Variants in SNX2 observed in about 807,000 individuals in gnomAD.
The protein encoded by SNX2 is sorting nexin 2.
SNX2 carries 25 observed loss-of-function variants against 69.9 expected under a neutral mutation model. That is an observed-to-expected ratio of 0.36 (90% confidence interval 0.26 to 0.50). SNX2 has a LOEUF of 0.50. Ranked by LOEUF, SNX2 falls within the 20% of genes least tolerant of loss-of-function variation. SNX2 has a pLI of 0.97. For synonymous variants in SNX2, 229 were observed against 200.4 expected (o/e 1.14, Z -1.20); for missense variants, 551 against 613.3 (o/e 0.90, Z 1.07).
intron 8 of SNX2, 61 bp downstream of exon 8, chr5:122,816,032 A>C: frequency 1.3e-6 from 1 of 785,692 alleles, no homozygotes; most frequent in Non-Finnish European, 2.1e-6. Flanking sequence ...ATTGTAATGT[A>C]TATGACTATA....
intron 11 of SNX2, among the ~76,000 whole-genome samples, chr5:122,821,801 TTA>T (rs1754032577): frequency 6.6e-6 from 1 of 152,132 alleles, no homozygotes; most frequent in African/African-American, 2.4e-5. Context: ...CATATAACAT[TTA>T]GATATACCTT....
At chr5:122,828,139 A>G (rs1471451941) in intron 14 of SNX2, 1 of 152,210 alleles carries the variant, frequency 6.6e-6, no homozygotes, top group Non-Finnish European at 1.5e-5. Context: ...TTAATGGTAT[A>G]TTAAATAAAA....
At chr5:122,808,426 G>T in intron 7 of SNX2, 71 bp downstream of exon 7, 1 of 1,113,730 alleles carries the variant, frequency 9.0e-7, no homozygotes, top group South Asian at 1.5e-5. Flanking sequence ...CCATTATATG[G>T]CAAAACTGTG....
In SNX2 at chr5:122,775,100, G is replaced by A. The variant is rs1245360707; in HGVS notation, c.-4G>A. On this transcript the variant is annotated 5_prime_UTR_variant, in exon 1 of 15. Transcript: ENST00000379516. Reference sequence around the variant, plus strand: ...AGCTCGCGCAGTCGTTCGGGTGAGCGAAGATGGCGGCCGAGAGGGAACCTC... The same window carrying A: ...AGCTCGCGCAGTCGTTCGGGTGAGCAAAGATGGCGGCCGAGAGGGAACCTC... 4.4e-6 allele frequency: 7 copies of A among 1,582,572 alleles called. No homozygotes were observed. Among genetic ancestry groups the A allele is most frequent in the East Asian group, 2.3e-5 (1 of 43,786 alleles).
chr5:122,792,646 C>A (rs1160734983), intron 1 of SNX2, among the ~76,000 whole-genome samples: 4 of 150,040 alleles, frequency 2.7e-5, no homozygotes, highest in East Asian at 3.9e-4. Context: ...AATATTGATA[C>A]AATTTGCCTT....
In SNX2 at chr5:122,803,363, A is replaced by G. The variant is rs1272619883; in HGVS notation, c.502-109A>G. 4 of 1,054,236 alleles carry G rather than the reference A, an allele frequency of 3.8e-6. No homozygotes were observed. In the East Asian group the frequency reaches 7.7e-5, roughly 20 times the overall value. 65.3% of individuals were successfully genotyped at this position (1,054,236 alleles called of 1,614,324 possible). A position where few individuals can be genotyped will look rare whatever the true frequency, so the allele number is the denominator to read the frequency against. On this transcript the variant is annotated intron_variant, in intron 5 of 14. Coordinates refer to ENST00000379516, the MANE Select transcript of SNX2 (RefSeq NM_003100.4). ...ATACCACATTAGTTAGATACTCTGC[A>G]TTCTTTTGCAAAGTAGATACATGTA... is the stretch of plus-strand genomic sequence containing the variant.
Position 122,830,835 on chromosome 5 carries a change from T to TC in SNX2, c.*1189dup, listed in dbSNP as rs1754269482. Among the ~76,000 whole-genome samples, 1 of 151,708 alleles carries TC rather than the reference T, an allele frequency of 6.6e-6. No individual in the cohort carries two copies. Among genetic ancestry groups the TC allele is most frequent in the Non-Finnish European group, 1.5e-5 (1 of 67,898 alleles). On this transcript the variant is annotated 3_prime_UTR_variant, in exon 15 of 15. Transcript: ENST00000379516. ...ACTAGCCTGGCCAACATGGTAAAAC[T>TC]CCATCTCTACTAAAAATACAAAAAT...
Position 122,834,100 on chromosome 5 carries a change from C to G in SNX2, c.*4452C>G, listed in dbSNP as rs879714119. The G allele has an allele frequency of 6.6e-6, 1 of 152,146 alleles. No homozygotes were observed. The highest frequency in any genetic ancestry group is 6.5e-5 in the Admixed American group (1 of 15,276). 9.4% of individuals were successfully genotyped at this position (152,146 alleles called of 1,614,324 possible). A position where few individuals can be genotyped will look rare whatever the true frequency, so the allele number is the denominator to read the frequency against. ...TATGTGTGAACCATATGTGAACATT[C>G]TTTGAAAATGTATGATAAGCATTTC... On this transcript the variant is annotated 3_prime_UTR_variant, in exon 15 of 15. Coordinates refer to ENST00000379516, the MANE Select transcript of SNX2 (RefSeq NM_003100.4).
intron 1 of SNX2, among the ~76,000 whole-genome samples, chr5:122,788,561 G>A (rs1753141363): frequency 6.6e-6 from 1 of 152,136 alleles, no homozygotes; most frequent in Non-Finnish European, 1.5e-5. Context: ...TTTCTCAGGA[G>A]AAGTTATCTT....
chr5:122,821,454 TC>T lies in SNX2; in HGVS notation c.1212+2433del, dbSNP rs150653549. Reference sequence around the variant, plus strand: ...GTCTCCCTATCAACATAAGTAGATGTCCTTTTTTTTTTTTTTTCGCAGACGG... The same window carrying T: ...GTCTCCCTATCAACATAAGTAGATGTCTTTTTTTTTTTTTTTCGCAGACGG... On this transcript the variant is annotated intron_variant, in intron 11 of 14. Coordinates refer to ENST00000379516, the MANE Select transcript of SNX2 (RefSeq NM_003100.4). Among the ~76,000 whole-genome samples, 845 of 147,640 alleles carry T rather than the reference TC, an allele frequency of 5.7e-3. 31 individuals carry two copies. Among genetic ancestry groups the T allele is most frequent in the African/African-American group, 0.013 (533 of 40,272 alleles).
intron 3 of SNX2, among the ~76,000 whole-genome samples, chr5:122,800,753 CAAG>C (rs1481867979): frequency 6.6e-6 from 1 of 152,102 alleles, no homozygotes; most frequent in Non-Finnish European, 1.5e-5. Flanking sequence ...AATATCTGTA[CAAG>C]AAGACAACCT....
At chr5:122,796,226 C>T (rs138221974) in intron 2 of SNX2, among the ~76,000 whole-genome samples, 2 of 152,054 alleles carry the variant, frequency 1.3e-5, no homozygotes, top group African/African-American at 4.8e-5. Flanking sequence ...ACCCATCTCA[C>T]ATGAAAAAGG....
intron 6 of SNX2, among the ~76,000 whole-genome samples, chr5:122,806,652 CAATT>C (rs1753665537): frequency 6.6e-6 from 1 of 151,990 alleles, no homozygotes; most frequent in Non-Finnish European, 1.5e-5. Flanking sequence ...TGTCCCTTAA[CAATT>C]AACCTCTAAA....
intron 1 of SNX2, among the ~76,000 whole-genome samples, chr5:122,785,185 T>A (rs897842650): frequency 6.6e-6 from 1 of 152,096 alleles, no homozygotes; most frequent in Admixed American, 6.6e-5. Flanking sequence ...TTGATTTTTT[T>A]CCTCCTGTTG....
At position 122,782,294 on chromosome 5, in the gene SNX2, G is replaced by A. The variant is rs551843675; in HGVS notation, c.108+7083G>A. Among the ~76,000 whole-genome samples the A allele has an allele frequency of 1.0e-3, 156 of 151,778 alleles. 1 individual carries two copies. The highest frequency in any genetic ancestry group is 3.4e-3 in the African/African-American group (141 of 41,368). On this transcript the variant is annotated intron_variant, in intron 1 of 14. Transcript: ENST00000379516. Reference sequence around the variant, plus strand: ...GCTCTGTTGCCCAGGCTTGGAGTGCGGTGGTGTGATCTCGGTTCACTGCAA... The same window carrying A: ...GCTCTGTTGCCCAGGCTTGGAGTGCAGTGGTGTGATCTCGGTTCACTGCAA...
intron 1 of SNX2, among the ~76,000 whole-genome samples, chr5:122,790,685 A>AT (rs1282881998): frequency 6.6e-6 from 1 of 152,214 alleles, no homozygotes; most frequent in African/African-American, 2.4e-5. Context: ...CGCAGCAGAA[A>AT]TACATATAAG....
intron 11 of SNX2, among the ~76,000 whole-genome samples, chr5:122,821,922 A>G (rs950101137): frequency 2.8e-5 from 4 of 143,792 alleles, no homozygotes; most frequent in Non-Finnish European, 6.1e-5. Flanking sequence ...TTAAATTTCA[A>G]TAAGTATTGC....
At chr5:122,813,902 T>A (rs1753839408) in intron 7 of SNX2, among the ~76,000 whole-genome samples, 1 of 151,542 alleles carries the variant, frequency 6.6e-6, no homozygotes. Context: ...GCTTCCTGAG[T>A]AGCTGGGACT....
chr5:122,791,836 A>G (rs1202686386), intron 1 of SNX2, among the ~76,000 whole-genome samples: 20 of 152,264 alleles, frequency 1.3e-4, no homozygotes, highest in Admixed American at 3.9e-4. Flanking sequence ...TTTTACTGCT[A>G]GATACTGAGT....
Sources: gnomAD v4.1 joint callset for allele counts (sites outside exome capture counted in the v4.1 genomes callset) on GRCh38, gnomAD v4.1.1 for gene constraint, MANE v1.5 for transcripts, NCBI Gene and HGNC (gene_info 2026-07-23, HGNC 2026-07-21) for gene names.